Variants in RBFOX1 observed in about 807,000 individuals in gnomAD.
The protein encoded by RBFOX1 is RNA binding protein fox-1 homolog 1.
In RBFOX1, 8 loss-of-function variants were observed where a neutral mutation model predicts 57.7. The ratio of observed to expected loss-of-function variants is 0.14; its 90% CI spans 0.08 to 0.25. RBFOX1 has a LOEUF of 0.25. Among genes scored for constraint, RBFOX1 ranks in the 10% least tolerant of loss-of-function variants. RBFOX1 has a pLI of 1.00. For synonymous variants in RBFOX1, 326 were observed against 222.4 expected (o/e 1.47, Z -4.15); for missense variants, 611 against 548.5 (o/e 1.11, Z -1.14).
chr16:5,823,549 AC>A (rs1430598118), intron 3 of RBFOX1, among the ~76,000 whole-genome samples: 1 of 152,174 alleles, frequency 6.6e-6, no homozygotes, highest in Non-Finnish European at 1.5e-5. Context: ...GAACCCAACC[AC>A]ACAGAAGGAG....
chr16:7,400,327 G>C (rs1402071716), intron 4 of RBFOX1, among the ~76,000 whole-genome samples: 2 of 152,094 alleles, frequency 1.3e-5, no homozygotes, highest in Non-Finnish European at 2.9e-5. Context: ...ATGCAATTCT[G>C]CCCCCTCTCT....
chr16:7,417,530 G>GTGTGTGTGTTTGTT (rs369685124), intron 4 of RBFOX1, among the ~76,000 whole-genome samples: 1 of 133,534 alleles, frequency 7.5e-6, no homozygotes, highest in South Asian at 2.4e-4. Flanking sequence ...ACATGGTATT[G>GTGTGTGTGTTTGTT]TGTGTGTGTG....
chr16:6,494,202 C>A (rs978506884), intron 2 of RBFOX1, among the ~76,000 whole-genome samples: 1 of 152,164 alleles, frequency 6.6e-6, no homozygotes, highest in Non-Finnish European at 1.5e-5. Context: ...TGGCTGCAAT[C>A]CACTGACCTT....
chr16:7,156,499 A>G (rs536740967), intron 4 of RBFOX1, among the ~76,000 whole-genome samples: 67 of 152,250 alleles, frequency 4.4e-4, no homozygotes, highest in Non-Finnish European at 7.2e-4. Context: ...CTATGTGTGC[A>G]TATACATGTA....
intron 4 of RBFOX1, among the ~76,000 whole-genome samples, chr16:5,982,345 C>G (rs986961539): frequency 1.3e-5 from 2 of 152,042 alleles, no homozygotes; most frequent in Non-Finnish European, 2.9e-5. Context: ...TTGATCTGGG[C>G]TCACTGCAAC....
At chr16:5,676,367 G>A (rs2215251) in intron 3 of RBFOX1, among the ~76,000 whole-genome samples, 27,957 of 152,036 alleles carry the variant, frequency 0.18, 3,570 homozygotes, top group African/African-American at 0.34. Flanking sequence ...CATTTATTGT[G>A]TAGCTGCCCA....
chr16:6,662,284 T>TCA (rs764194490), intron 3 of RBFOX1, among the ~76,000 whole-genome samples: 9 of 151,842 alleles, frequency 5.9e-5, no homozygotes, highest in East Asian at 5.8e-4. Flanking sequence ...TCAACTGTTC[T>TCA]CACACACACA....
At chr16:7,291,396 C>G (rs904260344) in intron 4 of RBFOX1, among the ~76,000 whole-genome samples, 2 of 152,082 alleles carry the variant, frequency 1.3e-5, no homozygotes, top group Non-Finnish European at 2.9e-5. Context: ...TTCTAAAAAT[C>G]TAGGCTAAAT....
intron 4 of RBFOX1, among the ~76,000 whole-genome samples, chr16:7,310,772 A>T (rs1330811422): frequency 6.6e-6 from 1 of 152,232 alleles, no homozygotes; most frequent in African/African-American, 2.4e-5. Flanking sequence ...ATGTGTATTC[A>T]TTCACCTGTC....
At chr16:6,052,804 TATA>T (rs200513769) in intron 1 of RBFOX1, among the ~76,000 whole-genome samples, 3,446 of 144,192 alleles carry the variant, frequency 0.024, 62 homozygotes, top group African/African-American at 0.05. Flanking sequence ...TAAAATAAAA[TATA>T]ATAATAATAA....
chr16:6,062,621 T>TATAATATATAACATATA (rs6145734), intron 1 of RBFOX1, among the ~76,000 whole-genome samples: 2 of 147,712 alleles, frequency 1.4e-5, no homozygotes, highest in East Asian at 3.9e-4. Flanking sequence ...AATATATAAA[T>TATAATATATAACATATA]ATATATAACA....
intron 4 of RBFOX1, among the ~76,000 whole-genome samples, chr16:7,134,459 A>G (rs2071360049): frequency 2.0e-5 from 3 of 152,112 alleles, no homozygotes; most frequent in Admixed American, 1.3e-4. Flanking sequence ...GTTTTCATGC[A>G]TTTTCCAGTT....
chr16:7,192,328 C>T (rs11646825), intron 4 of RBFOX1, among the ~76,000 whole-genome samples: 97,582 of 151,990 alleles, frequency 0.64, 31,986 homozygotes, highest in African/African-American at 0.77. Flanking sequence ...TGGAGAGGTT[C>T]CATCTAAGAG....
intron 2 of RBFOX1, among the ~76,000 whole-genome samples, chr16:6,454,570 AC>A (rs2094712881): frequency 6.6e-6 from 1 of 152,190 alleles, no homozygotes; most frequent in Non-Finnish European, 1.5e-5. Context: ...AAACAAGGAA[AC>A]AAAAAATGAA....
chr16:7,246,584 G>A (rs932393329), intron 4 of RBFOX1, among the ~76,000 whole-genome samples: 4 of 150,390 alleles, frequency 2.7e-5, no homozygotes, highest in African/African-American at 9.8e-5. Flanking sequence ...TGAACCTAGG[G>A]CTTTTTGTTG....
At chr16:6,806,824 A>AAATATTTTTTATATT (rs1182864212) in intron 3 of RBFOX1, among the ~76,000 whole-genome samples, 2 of 69,746 alleles carry the variant, frequency 2.9e-5, no homozygotes, top group Non-Finnish European at 5.5e-5. Flanking sequence ...ATAAATATAT[A>AAATATTTTTTATATT]TATATATATA....
intron 2 of RBFOX1, among the ~76,000 whole-genome samples, chr16:6,449,916 G>C (rs2094556019): frequency 6.6e-6 from 1 of 152,306 alleles, no homozygotes; most frequent in East Asian, 1.9e-4. Context: ...CATTTCTCCA[G>C]ATGCTGTAAA....
chr16:6,034,931 T>C lies in RBFOX1; in HGVS notation c.-127+14939T>C, dbSNP rs1042926907. Among the ~76,000 whole-genome samples, 5 of 152,132 alleles carry C rather than the reference T, an allele frequency of 3.3e-5. 1 individual carries two copies. Among genetic ancestry groups the C allele is most frequent in the Admixed American group, 3.3e-4 (5 of 15,276 alleles). On this transcript the variant is annotated intron_variant, in intron 1 of 15. Coordinates refer to ENST00000550418, the MANE Select transcript of RBFOX1 (RefSeq NM_018723.4). ...CACTCAGGGCCTCTAGGCTTAACCA[T>C]TGAGCTGGGAAGCTGTGGTGGGTTT...
At chr16:5,264,869 A>C (rs2062820374) in intron 1 of RBFOX1, among the ~76,000 whole-genome samples, 1 of 152,188 alleles carries the variant, frequency 6.6e-6, no homozygotes. Context: ...GATGGGAAAC[A>C]GAGCACCCCA....
Sources: gnomAD v4.1 joint callset for allele counts (sites outside exome capture counted in the v4.1 genomes callset) on GRCh38, gnomAD v4.1.1 for gene constraint, MANE v1.5 for transcripts, NCBI Gene and HGNC (gene_info 2026-07-23, HGNC 2026-07-21) for gene names.